The following VARS2 variants were observed in gnomAD, a reference collection of about 807,000 sequenced individuals.
The protein encoded by VARS2 is valyl-tRNA synthetase 2, mitochondrial.
A neutral mutation model predicts 154.1 loss-of-function variants in VARS2; 105 were observed. The observed-to-expected ratio is 0.68, with a 90% CI of 0.58 to 0.80. The LOEUF is 0.80. Ranked by LOEUF, VARS2 falls within the 30% of genes least tolerant of loss-of-function variation. VARS2 has a pLI of 0.00. For missense variants in VARS2, 1,157 were observed against 1,361.4 expected, an observed-to-expected ratio of 0.85 and a Z score of 2.36; for synonymous variants, 483 against 539.5, an observed-to-expected ratio of 0.90 and a Z score of 1.45.
intron 21 of VARS2, 41 bp from the exon 22 acceptor site, chr6:30,922,665 G>A (rs1300772227): frequency 6.3e-7 from 1 of 1,598,210 alleles, no homozygotes; most frequent in South Asian, 1.1e-5. Context: ...TAGAGGCAGG[G>A]CCTTCGACCT....
chr6:30,922,601 A>G, intron 21 of VARS2, 47 bp downstream of exon 21: 1 of 1,562,242 alleles, frequency 6.4e-7, no homozygotes, highest in Non-Finnish European at 8.7e-7. Context: ...CAGGGTTTGC[A>G]GGAGAGAGGA....
chr6:30,921,139 TG>T lies in VARS2; in HGVS notation c.1556+1del, dbSNP rs1278875959. ...ACTGGCAGCACTGGTTTTCCCATAT[TG>T]GGTAAGGGTAGGGTAAGGGGAGCTC... ...KNWQHWFSHI[G>X]DWCVSRQLWW... On this transcript the variant is annotated frameshift_variant and splice_region_variant, in exon 16 of 30. Coordinates refer to ENST00000676266, the MANE Select transcript of VARS2 (RefSeq NM_020442.6). LOFTEE classifies it high-confidence loss of function. This position sits in a 1 kb window ranked among gnomAD's most constrained non-coding sequence, Gnocchi z 4.6. 1.2e-6 allele frequency: 2 copies of T among 1,613,818 alleles called. No individual in the cohort carries two copies. Among genetic ancestry groups the T allele is most frequent in the Non-Finnish European group, 1.7e-6 (2 of 1,179,878 alleles).
chr6:30,923,412 G>A lies in VARS2; in HGVS notation c.2373G>A (p.Gln791=), dbSNP rs749658231. 14 of 1,612,322 alleles carry A rather than the reference G, an allele frequency of 8.7e-6. No individual in the cohort carries two copies. Among genetic ancestry groups the A allele is most frequent in the Non-Finnish European group, 1.0e-5 (12 of 1,180,002 alleles). Residue 791 remains glutamine (Q), a synonymous_variant, in exon 25 of 30, where the codon CAG becomes CAA. Coordinates refer to ENST00000676266, the MANE Select transcript of VARS2 (RefSeq NM_020442.6). The part of the protein sequence containing the change: ...WILSRLALAA[Q]ECERGFLTRE... ...TGAGCCGCCTTGCCCTGGCTGCCCA[G>A]GAGTGTGAGCGGGGCTTCCTCACCC...
chr6:30,914,289 G>A lies in VARS2; in HGVS notation c.-83G>A, dbSNP rs1010136981. The A allele has an allele frequency of 5.6e-5, 57 of 1,017,868 alleles. No individual in the cohort carries two copies. The African/African-American group carries it at 8.4e-4, about 15-fold the overall frequency. 63.1% of individuals were successfully genotyped at this position (1,017,868 alleles called of 1,614,324 possible). ...GCCACGTTCCAGGGTCGGGTTTGGTGGATTCCTCAGTCCCTGCCGCCGCGG... is the reference window on the plus strand; with the variant it reads ...GCCACGTTCCAGGGTCGGGTTTGGTAGATTCCTCAGTCCCTGCCGCCGCGG... On this transcript the variant is annotated 5_prime_UTR_variant, in exon 1 of 30. Coordinates refer to ENST00000676266, the MANE Select transcript of VARS2 (RefSeq NM_020442.6).
rs1277911936 is a variant in VARS2 at position 30,923,496 on chromosome 6, C to T, written c.2457C>T (p.Asp819=). 5 of 1,610,178 alleles carry T rather than the reference C, an allele frequency of 3.1e-6. No individual in the cohort carries two copies. The highest frequency in any genetic ancestry group is 1.1e-5 in the South Asian group (1 of 91,058). The change falls in exon 25 of 30, where the codon GAC becomes GAT. Residue 819 remains aspartate (D), a synonymous_variant. Transcript: ENST00000676266. ...LHHFWLHNLC[D]VYLEAVKPVL... ...ACTTCTGGCTTCACAACCTCTGTGA[C>T]GTCTACCTGGTGAGTGAGGCTGGGG...
rs1348479058 is a variant in VARS2, at chr6:30,925,921, C to T, written c.3003C>T (p.Ala1001=). 1 of 1,613,060 alleles carries T rather than the reference C, an allele frequency of 6.2e-7. No individual in the cohort carries two copies. Among genetic ancestry groups the T allele is most frequent in the Admixed American group, 1.7e-5 (1 of 60,032 alleles). Residue 1001 remains alanine (A), a synonymous_variant, in exon 29 of 30, where the codon GCC becomes GCT. Transcript: ENST00000676266. ...DPQIQLPLLA[A]RRYKLQKQLD... ...AGATCCAGCTACCTCTGTTAGCCGC[C>T]CGAAGGTACAAGTTGCAGAAGCAGC...
rs140184279 is a variant in VARS2 at position 30,916,942 on chromosome 6, T to C, written c.736T>C (p.Cys246Arg). Reference protein sequence around the residue: ...LGASLDWDRECFTMDVGSSVA... With the variant: ...LGASLDWDRERFTMDVGSSVA... The stretch of plus-strand genomic sequence containing the variant: ...TGCCTCCCTGGACTGGGATCGAGAG[T>C]GTTTTACCATGGATGTTGTGAGTGT... Residue 246 changes from cysteine to arginine, a missense_variant, in exon 8 of 30, where the codon TGT (cysteine) becomes CGT (arginine). Coordinates refer to ENST00000676266, the MANE Select transcript of VARS2 (RefSeq NM_020442.6). This position sits in a 1 kb window ranked among gnomAD's most constrained non-coding sequence, Gnocchi z 4.0. The C allele has an allele frequency of 7.7e-5, 124 of 1,613,804 alleles. No individual in the cohort carries two copies. In the East Asian group the frequency reaches 2.4e-3, roughly 32 times the overall value.
chr6:30,919,085 G>C lies in VARS2; in HGVS notation c.1074+170G>C. On this transcript the variant is annotated intron_variant, in intron 11 of 29. Coordinates refer to ENST00000676266, the MANE Select transcript of VARS2 (RefSeq NM_020442.6). This position sits in a 1 kb window ranked among gnomAD's most constrained non-coding sequence, Gnocchi z 4.5. ...CCTCTTATAGTTTTTCTGTAGCTCA[G>C]GGGTTGACAAACTGGCCCATGGTCC... The C allele has an allele frequency of 1.6e-6, 1 of 628,940 alleles. No homozygotes were observed. The highest frequency in any genetic ancestry group is 2.7e-6 in the Non-Finnish European group (1 of 365,858). The allele number at this position is 628,940 out of a possible 1,614,324, so 39.0% of individuals were successfully genotyped here.
chr6:30,914,484 G>T (rs925425042), intron 1 of VARS2, 140 bp downstream of exon 1: 21 of 1,324,152 alleles, frequency 1.6e-5, no homozygotes, highest in Non-Finnish European at 2.0e-5. Flanking sequence ...AGATCGCCGC[G>T]GCCCTGGCGG....
Position 30,919,794 on chromosome 6 carries a change from G to T in VARS2, c.1111G>T (p.Gly371Trp). 6.3e-7 allele frequency: 1 copy of T among 1,594,966 alleles called. No homozygotes were observed. Among genetic ancestry groups the T allele is most frequent in the Non-Finnish European group, 8.6e-7 (1 of 1,167,736 alleles). ...HGRQLRHPLMGQPLPLITDYA... is the reference protein window; with the variant it reads ...HGRQLRHPLMWQPLPLITDYA... ...GCGACAGCTTCGTCACCCCTTGATG[G>T]GGCAGCCTCTTCCCCTCATCACAGA... Residue 371 changes from glycine to tryptophan, a missense_variant, in exon 12 of 30, where the codon GGG (glycine) becomes TGG (tryptophan). By Grantham distance (184) the Gly-to-Trp change is radical. Coordinates refer to ENST00000676266, the MANE Select transcript of VARS2 (RefSeq NM_020442.6). This position sits in a 1 kb window ranked among gnomAD's most constrained non-coding sequence, Gnocchi z 4.5.
rs1453417361 is a variant in VARS2, at chr6:30,923,520, G to A, written c.2466+15G>A. ...ACGTCTACCTGGTGAGTGAGGCTGG[G>A]GGAGGCTTGGTATTCCCATGCCTGC... On this transcript the variant is annotated intron_variant, in intron 25 of 29. Transcript: ENST00000676266. 2 of 1,602,590 alleles carry A rather than the reference G, an allele frequency of 1.2e-6. No homozygotes were observed.
In VARS2 at chr6:30,920,110, C is replaced by T. The variant is rs1453102693; in HGVS notation, c.1187C>T (p.Ala396Val). The T allele has an allele frequency of 6.4e-7, 1 of 1,560,792 alleles. No individual in the cohort carries two copies. Among genetic ancestry groups the T allele is most frequent in the Non-Finnish European group, 8.7e-7 (1 of 1,155,030 alleles). Residue 396 changes from alanine to valine, a missense_variant, in exon 13 of 30, where the codon GCT becomes GTT. Ala to Val is a moderately conservative substitution (Grantham distance 64, BLOSUM62 0). Coordinates refer to ENST00000676266, the MANE Select transcript of VARS2 (RefSeq NM_020442.6). This position sits in a 1 kb window ranked among gnomAD's most constrained non-coding sequence, Gnocchi z 4.6. ...VGTGAVKVTPAHSPADAEMGA... is the reference protein window; with the variant it reads ...VGTGAVKVTPVHSPADAEMGA... ...CAAGGGGCAGTGAAGGTGACTCCAG[C>T]TCACAGTCCTGCCGATGCTGAGATG...
rs1794405858 is a variant in VARS2 at position 30,920,009 on chromosome 6, C to CGGTGCAGGTGATGGGGT, written c.1166-67_1166-66insGGGTGGTGCAGGTGATG. 8.6e-6 allele frequency: 13 copies of CGGTGCAGGTGATGGGGT among 1,503,876 alleles called. No individual in the cohort carries two copies. The highest frequency in any genetic ancestry group is 2.3e-5 in the East Asian group (1 of 43,210). 93.2% of individuals were successfully genotyped at this position (1,503,876 alleles called of 1,614,324 possible). A position where few individuals can be genotyped will look rare whatever the true frequency, so the allele number is the denominator to read the frequency against. ...ACAGAGAAAGTCGCAGGGGCTGGGG[C>CGGTGCAGGTGATGGGGT]GGTGCAGGTGATGATGATACATCTG... On this transcript the variant is annotated intron_variant, in intron 12 of 29. Transcript: ENST00000676266. This position sits in a 1 kb window ranked among gnomAD's most constrained non-coding sequence, Gnocchi z 4.6.
At position 30,921,791 on chromosome 6, in the gene VARS2, G is replaced by A; in HGVS notation, c.1735+100G>A. ...CCCAAGATACAGAAGGTAGGGTCAG[G>A]AAAGTTGGGAATGGAGCCAAAGGGG... is the stretch of plus-strand genomic sequence containing the variant. On this transcript the variant is annotated intron_variant, in intron 18 of 29. Coordinates refer to ENST00000676266, the MANE Select transcript of VARS2 (RefSeq NM_020442.6). This position sits in a 1 kb window ranked among gnomAD's most constrained non-coding sequence, Gnocchi z 4.6. 1 of 1,542,672 alleles carries A rather than the reference G, an allele frequency of 6.5e-7. No homozygotes were observed. Among genetic ancestry groups the A allele is most frequent in the Non-Finnish European group, 8.8e-7 (1 of 1,133,374 alleles).
At chr6:30,925,473 C>T (rs376078233) in intron 27 of VARS2, 71 bp from the exon 28 acceptor site, 60 of 1,560,908 alleles carry the variant, frequency 3.8e-5, no homozygotes, top group South Asian at 3.8e-4. Context: ...CCAACCCCCC[C>T]GTTAGGAGGT....
chr6:30,922,341 A>T (rs1261499300), intron 20 of VARS2, 100 bp downstream of exon 20: 10 of 1,596,598 alleles, frequency 6.3e-6, no homozygotes, highest in South Asian at 4.5e-5. Context: ...CACGTTGCTG[A>T]TTCCTTTTTC....
chr6:30,924,039 G>A, intron 25 of VARS2: 1 of 482,962 alleles, frequency 2.1e-6, no homozygotes, highest in Non-Finnish European at 3.7e-6. Context: ...GCTGGCTGTG[G>A]ACCACTGCCC....
chr6:30,920,946 C>A lies in VARS2; in HGVS notation c.1480-119C>A. 8.0e-7 allele frequency: 1 copy of A among 1,254,808 alleles called. No individual in the cohort carries two copies. The highest frequency in any genetic ancestry group is 1.1e-6 in the Non-Finnish European group (1 of 918,444). 77.7% of individuals were successfully genotyped at this position (1,254,808 alleles called of 1,614,324 possible). A position where few individuals can be genotyped will look rare whatever the true frequency, so the allele number is the denominator to read the frequency against. ...TCCTTACTCAAGCCCAGAATCTTGG[C>A]AAGAGGCTTGGGAGGTCCTTTCTGA... On this transcript the variant is annotated intron_variant, in intron 15 of 29. Transcript: ENST00000676266. This position sits in a 1 kb window ranked among gnomAD's most constrained non-coding sequence, Gnocchi z 4.6.
In VARS2 at chr6:30,916,271, C is replaced by CG. The variant is rs745521771; in HGVS notation, c.671+28dup. 35 of 1,591,034 alleles carry CG rather than the reference C, an allele frequency of 2.2e-5. No individual in the cohort carries two copies. Among genetic ancestry groups the CG allele is most frequent in the African/African-American group, 4.0e-5 (3 of 74,160 alleles). ...AGGCGTGAGTATGATGGGCAGGACTCGGGGGGCCCAGATGGCAGATTTGGT... is the reference window on the plus strand; with the variant it reads ...AGGCGTGAGTATGATGGGCAGGACTCGGGGGGGCCCAGATGGCAGATTTGGT... On this transcript the variant is annotated intron_variant, in intron 7 of 29. Coordinates refer to ENST00000676266, the MANE Select transcript of VARS2 (RefSeq NM_020442.6). The surrounding 1 kb of genome is among the most constrained non-coding windows in gnomAD (Gnocchi z 4.0).
Sources: allele counts gnomAD v4.1 joint callset, GRCh38; gene constraint gnomAD v4.1.1; non-coding constraint Gnocchi (gnomAD v3.1); transcripts MANE v1.5; gene names NCBI Gene and HGNC (gene_info 2026-07-23, HGNC 2026-07-21).